The following PAK1 variants were observed in gnomAD, a reference collection of about 807,000 sequenced individuals.
The protein encoded by PAK1 is serine/threonine-protein kinase PAK 1.
In PAK1, 29 loss-of-function variants were observed where a neutral mutation model predicts 67.4. The observed-to-expected ratio is 0.43, with a 90% CI of 0.32 to 0.59. The LOEUF is 0.59. PAK1 is among the 20% of genes least tolerant of loss of function. The pLI, the probability that PAK1 is intolerant of heterozygous loss-of-function variation, is 0.07. For synonymous variants in PAK1, 223 were observed against 237.4 expected (o/e 0.94, Z 0.56); for missense variants, 337 against 670.7 (o/e 0.50, Z 5.50).
At chr11:77,399,881 A>AAG in intron 1 of PAK1, among the ~76,000 whole-genome samples, 1 of 148,632 alleles carries the variant, frequency 6.7e-6, no homozygotes, top group Non-Finnish European at 1.5e-5. Flanking sequence ...AAAAAAAAAA[A>AAG]AAAAAGAAAT....
chr11:77,462,167 A>G (rs1400967285), intron 1 of PAK1, among the ~76,000 whole-genome samples: 2 of 152,008 alleles, frequency 1.3e-5, no homozygotes, highest in African/African-American at 4.8e-5. Flanking sequence ...TCTACTAAAA[A>G]TACAAAAAAA....
chr11:77,404,271 C>CT (rs879910147), intron 1 of PAK1, among the ~76,000 whole-genome samples: 4,352 of 146,064 alleles, frequency 0.03, 178 homozygotes, highest in African/African-American at 0.098. Context: ...CTTTTTCTTT[C>CT]TTTTTTTTTT....
intron 7 of PAK1, among the ~76,000 whole-genome samples, chr11:77,355,404 T>C (rs1307576650): frequency 1.3e-5 from 2 of 152,158 alleles, no homozygotes; most frequent in African/African-American, 4.8e-5. Flanking sequence ...TTGTCTTCGC[T>C]ATAATACATG....
chr11:77,450,646 T>C lies in PAK1; in HGVS notation c.-22+22906A>G, dbSNP rs79087858. Among the ~76,000 whole-genome samples, 56 of 152,332 alleles carry C rather than the reference T, an allele frequency of 3.7e-4. 2 individuals are homozygous for C. In the East Asian group the frequency reaches 0.01, roughly 28 times the overall value. On this transcript the variant is annotated intron_variant, in intron 1 of 14. Transcript: ENST00000356341. ...ATAGATATTATTTCAAAAAAATACA[T>C]TGGCATATCTACTGTGGGTCAGGTG...
intron 1 of PAK1, among the ~76,000 whole-genome samples, chr11:77,393,020 C>T (rs958339393): frequency 1.3e-5 from 2 of 152,078 alleles, no homozygotes; most frequent in African/African-American, 4.8e-5. Flanking sequence ...TGGGAATGGA[C>T]TGTATCAAGG....
chr11:77,458,986 G>T (rs1484439321), intron 1 of PAK1, among the ~76,000 whole-genome samples: 1 of 152,166 alleles, frequency 6.6e-6, no homozygotes, highest in Non-Finnish European at 1.5e-5. Context: ...CTACATGGAA[G>T]AACTGGCATC....
the PAK1 span, among the ~76,000 whole-genome samples, chr11:77,512,002 G>A: frequency 6.6e-6 from 1 of 152,120 alleles, no homozygotes; most frequent in African/African-American, 2.4e-5. Context: ...TTTCCCTTCA[G>A]GGCACCTTAA....
In PAK1 at chr11:77,468,008, G is replaced by A. The variant is rs111948660; in HGVS notation, c.-22+5544C>T. On this transcript the variant is annotated intron_variant, in intron 1 of 14. Transcript: ENST00000356341. Reference sequence around the variant, plus strand: ...CTTAAAGATATAGGCAGGCAGATGAGGGTGGAAGCCATGCATATACTGTCA... The same window carrying A: ...CTTAAAGATATAGGCAGGCAGATGAAGGTGGAAGCCATGCATATACTGTCA... Among the ~76,000 whole-genome samples, 355 of 152,294 alleles carry A rather than the reference G, an allele frequency of 2.3e-3. 2 individuals carry two copies. The Middle Eastern group carries it at 0.031, about 13-fold the overall frequency.
intron 1 of PAK1, among the ~76,000 whole-genome samples, chr11:77,396,586 T>C (rs190771804): frequency 1.3e-5 from 2 of 152,216 alleles, no homozygotes; most frequent in Non-Finnish European, 2.9e-5. Flanking sequence ...AAAACTTCCA[T>C]CTGTTAGTAC....
chr11:77,394,354 T>G (rs935992422), intron 1 of PAK1, among the ~76,000 whole-genome samples: 1 of 152,200 alleles, frequency 6.6e-6, no homozygotes, highest in Non-Finnish European at 1.5e-5. Context: ...TTTTGAAAAT[T>G]AGTGATCCCA....
chr11:77,507,061 T>C, the PAK1 span, among the ~76,000 whole-genome samples: 12 of 152,186 alleles, frequency 7.9e-5, 1 homozygote, highest in Admixed American at 5.2e-4. Context: ...TGACCGAGTA[T>C]GGATCTAGCA....
chr11:77,386,133 T>C (rs724369), intron 2 of PAK1, among the ~76,000 whole-genome samples: 10,480 of 152,216 alleles, frequency 0.069, 822 homozygotes, highest in East Asian at 0.24. Context: ...CTTGGCTTTC[T>C]GATAGCATGG....
intron 5 of PAK1, among the ~76,000 whole-genome samples, chr11:77,361,562 T>C (rs886408692): frequency 6.6e-6 from 1 of 150,488 alleles, no homozygotes; most frequent in Non-Finnish European, 1.5e-5. Flanking sequence ...ATGTAATCTA[T>C]ACATTTTTTT....
chr11:77,341,275 T>C (rs561453804), intron 10 of PAK1, among the ~76,000 whole-genome samples: 7 of 152,196 alleles, frequency 4.6e-5, no homozygotes, highest in African/African-American at 1.4e-4. Flanking sequence ...CAGATGCCAA[T>C]ATTTACTAAA....
chr11:77,433,752 G>A (rs1046498216), intron 1 of PAK1, among the ~76,000 whole-genome samples: 4 of 152,098 alleles, frequency 2.6e-5, no homozygotes, highest in Non-Finnish European at 4.4e-5. Context: ...GCACTCCAGC[G>A]TGGGCGACAG....
Position 77,367,239 on chromosome 11 carries a change from G to C in PAK1, c.477+7089C>G, listed in dbSNP as rs150601111. Among the ~76,000 whole-genome samples the C allele has an allele frequency of 6.0e-4, 92 of 152,204 alleles. 1 individual carries two copies. In the East Asian group the frequency reaches 0.014, roughly 23 times the overall value. The stretch of plus-strand genomic sequence containing the variant: ...CTAGGGAACTTTTTCAGGTGATGGC[G>C]GCACAACTCTATAAATTTATTAAAA... On this transcript the variant is annotated intron_variant, in intron 5 of 14. Transcript: ENST00000356341.
chr11:77,470,537 T>C (rs1272287441), intron 1 of PAK1, among the ~76,000 whole-genome samples: 1 of 151,960 alleles, frequency 6.6e-6, no homozygotes, highest in Non-Finnish European at 1.5e-5. Context: ...TTGAAGCCAC[T>C]CTCCCAGAAG....
chr11:77,323,128 TTCCAAGGATCAAAG>T lies in PAK1; in HGVS notation c.*132_*145del. 6.8e-7 allele frequency: 1 copy of T among 1,478,752 alleles called. No homozygotes were observed. The highest frequency in any genetic ancestry group is 9.2e-7 in the Non-Finnish European group (1 of 1,085,026). The allele number at this position is 1,478,752 out of a possible 1,614,324, so 91.6% of individuals were successfully genotyped here. On this transcript the variant is annotated 3_prime_UTR_variant, in exon 15 of 15. Transcript: ENST00000356341. ...TTCTCTTCAATGCTGGACACACGGT[TTCCAAGGATCAAAG>T]TCTTGAGGAGTGCTAGATCAGGAAA...
chr11:77,355,175 T>A (rs1460202758), intron 7 of PAK1, among the ~76,000 whole-genome samples: 2 of 152,054 alleles, frequency 1.3e-5, no homozygotes, highest in African/African-American at 4.8e-5. Flanking sequence ...GAATTAAATT[T>A]AAAAAAAATC....
Sources: allele counts gnomAD v4.1 joint callset (sites outside exome capture counted in the v4.1 genomes callset), GRCh38; gene constraint gnomAD v4.1.1; transcripts MANE v1.5; gene names NCBI Gene and HGNC (gene_info 2026-07-23, HGNC 2026-07-21).